The following PLXDC1 variants were observed in gnomAD, a reference collection of about 807,000 sequenced individuals.
The protein encoded by PLXDC1 is plexin domain containing 1.
Under a neutral mutation model 61.3 loss-of-function variants are expected in PLXDC1, and 39 were observed. The observed-to-expected ratio is 0.64, with a 90% CI of 0.49 to 0.83. The LOEUF is 0.83. Ranked by LOEUF, PLXDC1 falls within the 40% of genes least tolerant of loss-of-function variation. The pLI is 0.00. For missense variants in PLXDC1, 596 were observed against 666.5 expected (o/e 0.89, Z 1.17); for synonymous variants, 212 against 254.5 (o/e 0.83, Z 1.59).
intron 1 of PLXDC1, among the ~76,000 whole-genome samples, chr17:39,150,523 G>T (rs2045365965): frequency 6.6e-6 from 1 of 152,228 alleles, no homozygotes; most frequent in South Asian, 2.1e-4. Context: ...CCCAGAGAAA[G>T]TCTAGGTGCT....
chr17:39,143,828 G>T (rs2143965902), intron 1 of PLXDC1, among the ~76,000 whole-genome samples: 1 of 152,272 alleles, frequency 6.6e-6, no homozygotes, highest in South Asian at 2.1e-4. Flanking sequence ...ATGGACATGA[G>T]TCCAGGGCTG....
intron 2 of PLXDC1, among the ~76,000 whole-genome samples, 197 bp from the exon 3 acceptor site, chr17:39,109,588 G>A (rs954661256): frequency 6.6e-6 from 1 of 152,150 alleles, no homozygotes; most frequent in African/African-American, 2.4e-5. Context: ...CTCACTAGCT[G>A]GCCCCTAGTG....
rs756507041 is a variant in PLXDC1, at chr17:39,105,834, C to A, written c.811+20G>T. 6.5e-7 allele frequency: 1 copy of A among 1,540,052 alleles called. No homozygotes were observed. The highest frequency in any genetic ancestry group is 2.2e-5 in the East Asian group (1 of 44,528). On this transcript the variant is annotated intron_variant, in intron 7 of 13. Coordinates refer to ENST00000315392, the MANE Select transcript of PLXDC1 (RefSeq NM_020405.5). Reference sequence around the variant, plus strand: ...AGTCCTACCCCCATCAAGGCCTCTGCGGGGTCCCTGAAGACTCACCTGGCA... The same window carrying A: ...AGTCCTACCCCCATCAAGGCCTCTGAGGGGTCCCTGAAGACTCACCTGGCA...
At position 39,077,920 on chromosome 17, in the gene PLXDC1, G is replaced by A; in HGVS notation, c.1179C>T (p.Thr393=). ...TSSSLFIDSL[T]TEDDTKLNPY... ...CCTGGGCTCAGAACTTACCTTCTGTGGTGAGGCTGTCGATGAAGAGGGAGG... is the reference window on the plus strand; with the variant it reads ...CCTGGGCTCAGAACTTACCTTCTGTAGTGAGGCTGTCGATGAAGAGGGAGG... Residue 393 remains threonine, a synonymous_variant, in exon 11 of 14, where the codon ACC becomes ACT. Coordinates refer to ENST00000315392, the MANE Select transcript of PLXDC1 (RefSeq NM_020405.5). The A allele has an allele frequency of 6.2e-7, 1 of 1,614,098 alleles. No homozygotes were observed. Among genetic ancestry groups the A allele is most frequent in the South Asian group, 1.1e-5 (1 of 91,078 alleles).
intron 3 of PLXDC1, 135 bp downstream of exon 3, chr17:39,109,113 G>T: frequency 7.5e-7 from 1 of 1,331,634 alleles, no homozygotes; most frequent in Non-Finnish European, 1.1e-6. Context: ...CTCTGGCAAA[G>T]TCCCATGGGA....
intron 7 of PLXDC1, among the ~76,000 whole-genome samples, chr17:39,090,217 G>T (rs1909895314): frequency 6.6e-6 from 1 of 152,178 alleles, no homozygotes; most frequent in Non-Finnish European, 1.5e-5. Context: ...ATGCCCTGCT[G>T]CAGGACACTT....
chr17:39,095,303 G>A (rs1261998520), intron 7 of PLXDC1, among the ~76,000 whole-genome samples: 3 of 146,544 alleles, frequency 2.0e-5, no homozygotes, highest in Admixed American at 1.4e-4. Flanking sequence ...CTGCCAGCTT[G>A]TACTTGTTCG....
chr17:39,126,676 C>T (rs1242245457), intron 2 of PLXDC1, among the ~76,000 whole-genome samples: 2 of 152,168 alleles, frequency 1.3e-5, no homozygotes, highest in Non-Finnish European at 2.9e-5. Context: ...ACAGGGCGCA[C>T]TCACACATAT....
At chr17:39,080,421 GC>G (rs1043973359) in intron 9 of PLXDC1, 43 of 152,368 alleles carry the variant, frequency 2.8e-4, no homozygotes, top group African/African-American at 9.4e-4. Flanking sequence ...TCATGGCGGG[GC>G]GGGGGCAGGC....
At chr17:39,073,672 T>A (rs903997122) in intron 11 of PLXDC1, among the ~76,000 whole-genome samples, 5 of 152,226 alleles carry the variant, frequency 3.3e-5, no homozygotes, top group Non-Finnish European at 7.3e-5. Context: ...CCTGAGTTAG[T>A]GGATCACATG....
intron 2 of PLXDC1, among the ~76,000 whole-genome samples, chr17:39,133,206 C>T (rs950542853): frequency 1.3e-5 from 2 of 152,096 alleles, no homozygotes; most frequent in Admixed American, 1.3e-4. Flanking sequence ...TGGGAAAGGG[C>T]GTTTGCGGTC....
intron 7 of PLXDC1, among the ~76,000 whole-genome samples, chr17:39,089,169 T>G (rs1478315409): frequency 1.3e-5 from 2 of 152,124 alleles, no homozygotes; most frequent in Non-Finnish European, 2.9e-5. Context: ...ACAGCAGCAT[T>G]CCCCTTGGGG....
At chr17:39,134,550 C>A (rs1419187529) in intron 2 of PLXDC1, among the ~76,000 whole-genome samples, 1 of 150,858 alleles carries the variant, frequency 6.6e-6, no homozygotes, top group Non-Finnish European at 1.5e-5. Flanking sequence ...TGCTAGAACC[C>A]GGGAGGCAGA....
At chr17:39,080,072 T>C in intron 9 of PLXDC1, 1 of 156,142 alleles carries the variant, frequency 6.4e-6, no homozygotes, top group Non-Finnish European at 1.4e-5. Flanking sequence ...TGCCCACTAC[T>C]TTGGGGGATG....
rs191303928 is a variant in PLXDC1, at chr17:39,130,754, G to A, written c.255+8900C>T. Reference sequence around the variant, plus strand: ...TTTGTATTATTTTAGTAGAGACGGGGTTTCACCACGTTGGCCGGGTTGGTC... The same window carrying A: ...TTTGTATTATTTTAGTAGAGACGGGATTTCACCACGTTGGCCGGGTTGGTC... On this transcript the variant is annotated intron_variant, in intron 2 of 13. Coordinates refer to ENST00000315392, the MANE Select transcript of PLXDC1 (RefSeq NM_020405.5). 6.7e-3 allele frequency among the ~76,000 whole-genome samples: 1,022 copies of A among 152,062 alleles called. 7 individuals carry two copies. The highest frequency in any genetic ancestry group is 0.01 in the Non-Finnish European group (689 of 67,978).
At chr17:39,099,215 G>A (rs1274431735) in intron 7 of PLXDC1, among the ~76,000 whole-genome samples, 2 of 151,810 alleles carry the variant, frequency 1.3e-5, no homozygotes, top group East Asian at 3.9e-4. Context: ...TCTTTCAGGT[G>A]GGTTGTGCTT....
rs73983229 is a variant in PLXDC1, at chr17:39,144,388, G to A, written c.77-4556C>T. Among the ~76,000 whole-genome samples, 999 of 152,280 alleles carry A rather than the reference G, an allele frequency of 6.6e-3. 13 individuals are homozygous for A. Among genetic ancestry groups the A allele is most frequent in the African/African-American group, 0.023 (946 of 41,538 alleles). On this transcript the variant is annotated intron_variant, in intron 1 of 13. Coordinates refer to ENST00000315392, the MANE Select transcript of PLXDC1 (RefSeq NM_020405.5). ...AAGAGGTAAAGAGTCCATGAAAGAGGGCAGGGCGAGGGATGGAGAGGGAGC... is the reference window on the plus strand; with the variant it reads ...AAGAGGTAAAGAGTCCATGAAAGAGAGCAGGGCGAGGGATGGAGAGGGAGC...
intron 1 of PLXDC1, among the ~76,000 whole-genome samples, chr17:39,140,080 C>T (rs1911886952): frequency 6.6e-6 from 1 of 152,190 alleles, no homozygotes; most frequent in Admixed American, 6.5e-5. Flanking sequence ...GGATGTTCTC[C>T]ATTTTGCAAA....
At chr17:39,118,980 T>G (rs903372233) in intron 2 of PLXDC1, among the ~76,000 whole-genome samples, 10 of 152,262 alleles carry the variant, frequency 6.6e-5, no homozygotes, top group Non-Finnish European at 1.2e-4. Flanking sequence ...AGAAGACTTC[T>G]GATCCACAGA....
Sources: gnomAD v4.1 joint callset for allele counts (sites outside exome capture counted in the v4.1 genomes callset) on GRCh38, gnomAD v4.1.1 for gene constraint, MANE v1.5 for transcripts, NCBI Gene and HGNC (gene_info 2026-07-23, HGNC 2026-07-21) for gene names.